KRT1: variants seen among roughly 807,000 people sequenced by gnomAD.
The protein encoded by KRT1 is keratin, type II cytoskeletal 1.
KRT1 carries 28 observed loss-of-function variants against 51.6 expected under a neutral mutation model. The ratio of observed to expected loss-of-function variants is 0.54; its 90% CI spans 0.40 to 0.74. The LOEUF (loss-of-function observed/expected upper bound fraction) is 0.74, where lower values mean the gene tolerates loss of function less well. Ranked by LOEUF, KRT1 falls within the 30% of genes least tolerant of loss-of-function variation. The probability of loss-of-function intolerance (pLI) is 0.00; values close to 1 mark genes in which losing one functional copy is unlikely to be tolerated. For missense variants in KRT1, 783 were observed against 815.5 expected, an observed-to-expected ratio of 0.96 and a Z score of 0.49; for synonymous variants, 301 against 307.7, an observed-to-expected ratio of 0.98 and a Z score of 0.23.
intron 3 of KRT1, 69 bp downstream of exon 3, chr12:52,678,094 C>T (rs1483932783): frequency 6.8e-7 from 1 of 1,476,662 alleles, no homozygotes; most frequent in East Asian, 2.3e-5. Context: ...CTGCTTTCTG[C>T]TTAGTAATTG....
At chr12:52,676,573 A>C (rs1941507188) in intron 6 of KRT1, 78 bp from the exon 7 acceptor site, 2 of 1,419,798 alleles carry the variant, frequency 1.4e-6, no homozygotes, top group Non-Finnish European at 2.0e-6. Context: ...TCCCCACTCC[A>C]GTGAGGCCAA....
intron 8 of KRT1, 37 bp downstream of exon 8, chr12:52,675,673 G>A (rs879589333): frequency 6.2e-7 from 1 of 1,614,186 alleles, no homozygotes; most frequent in Admixed American, 1.7e-5. Context: ...GCCCAACAAA[G>A]CCTGCACATG....
Position 52,680,062 on chromosome 12 carries a change from C to T in KRT1, c.287G>A (p.Gly96Asp). The T allele has an allele frequency of 6.4e-7, 1 of 1,555,020 alleles. No homozygotes were observed. Among genetic ancestry groups the T allele is most frequent in the South Asian group, 1.2e-5 (1 of 84,902 alleles). Residue 96 changes from glycine (G) to aspartate (D), a missense_variant, in exon 1 of 9, where the codon GGT becomes GAT. Gly to Asp is a moderately conservative substitution (Grantham distance 94). Coordinates refer to ENST00000252244, the MANE Select transcript of KRT1 (RefSeq NM_006121.4). ...AAAGCCACCACCACCAAAGCCACCACCACCATAACCACCACCAAAGCCACT... is the reference window on the plus strand; with the variant it reads ...AAAGCCACCACCACCAAAGCCACCATCACCATAACCACCACCAAAGCCACT... ...RGSGFGGGYG[G>D]GGFGGGGFGG...
At chr12:52,678,439 C>A (rs1941541551) in intron 2 of KRT1, 103 bp downstream of exon 2, 6 of 1,246,118 alleles carry the variant, frequency 4.8e-6, no homozygotes. Flanking sequence ...TGCCTCTAAC[C>A]TAAGAAAAGA....
rs774036297 is a variant in KRT1, at chr12:52,680,057, CACCACCACCATA to C, written c.280_291del (p.Tyr94_Gly97del). ...CCACCAAAGCCACCACCACCAAAGC[CACCACCACCATA>C]ACCACCACCAAAGCCACTACCACGT... is the stretch of plus-strand genomic sequence containing the variant. On this transcript the variant is annotated inframe_deletion, in exon 1 of 9. Transcript: ENST00000252244. 61 of 1,555,386 alleles carry C rather than the reference CACCACCACCATA, an allele frequency of 3.9e-5. No homozygotes were observed. Among genetic ancestry groups the C allele is most frequent in the Middle Eastern group, 1.7e-4 (1 of 6,012 alleles).
intron 3 of KRT1, 99 bp downstream of exon 3, chr12:52,678,064 C>G: frequency 8.7e-7 from 1 of 1,152,538 alleles, no homozygotes; most frequent in South Asian, 1.3e-5. Flanking sequence ...AGGTCTACTA[C>G]CTGGCTCTCC....
rs762691398 is a variant in KRT1 at position 52,675,336 on chromosome 12, T to TGCC, written c.1789_1791dup (p.Gly597dup). 57 of 1,609,810 alleles carry TGCC rather than the reference T, an allele frequency of 3.5e-5. No homozygotes were observed. The highest frequency in any genetic ancestry group is 3.5e-4 in the South Asian group (32 of 90,710). ...CCGCCAGAGCCCCGGCCGCCAGAGC[T>TGCC]GCCGCCGCCGCCGCCTCCAGAGCCA... On this transcript the variant is annotated inframe_insertion, in exon 9 of 9. Coordinates refer to ENST00000252244, the MANE Select transcript of KRT1 (RefSeq NM_006121.4).
intron 6 of KRT1, 67 bp from the exon 7 acceptor site, chr12:52,676,562 C>G: frequency 6.6e-7 from 1 of 1,518,270 alleles, no homozygotes; most frequent in Non-Finnish European, 9.1e-7. Context: ...CCCAATTGGT[C>G]TCCCCACTCC....
At chr12:52,677,028 C>G in intron 6 of KRT1, 31 bp downstream of exon 6, 1 of 1,610,114 alleles carries the variant, frequency 6.2e-7, no homozygotes, top group Non-Finnish European at 8.5e-7. Context: ...CCATTCCATA[C>G]AGCTGAGTGG....
Position 52,675,005 on chromosome 12 carries a change from G to A in KRT1, c.*188C>T, listed in dbSNP as rs1237752609. ...GGGTCATAGCCAGGGGACTGAGATT[G>A]CCACTGATCTGAAAACTTCATTGGG... On this transcript the variant is annotated 3_prime_UTR_variant, in exon 9 of 9. Transcript: ENST00000252244. 3 of 816,432 alleles carry A rather than the reference G, an allele frequency of 3.7e-6. No homozygotes were observed. The highest frequency in any genetic ancestry group is 3.0e-5 in the South Asian group (2 of 67,128). 50.6% of individuals were successfully genotyped at this position (816,432 alleles called of 1,614,324 possible).
chr12:52,677,598 A>T (rs2741159), intron 4 of KRT1, 52 bp downstream of exon 4: 10 of 1,604,260 alleles, frequency 6.2e-6, no homozygotes, highest in South Asian at 1.1e-5. Flanking sequence ...TTGTGGGTTC[A>T]GGCTTAAAAA....
intron 3 of KRT1, 74 bp downstream of exon 3, chr12:52,678,089 T>G (rs1468406675): frequency 2.2e-5 from 32 of 1,443,666 alleles, no homozygotes. Flanking sequence ...CATGGCTGCT[T>G]TCTGCTTAGT....
chr12:52,678,298 G>A, intron 2 of KRT1, 75 bp from the exon 3 acceptor site: 2 of 1,458,666 alleles, frequency 1.4e-6, no homozygotes, highest in South Asian at 1.1e-5. Flanking sequence ...ACTAAAGGTG[G>A]CATTGCCTAT....
At chr12:52,675,881 C>T in intron 7 of KRT1, 137 bp from the exon 8 acceptor site, 2 of 1,000,730 alleles carry the variant, frequency 2.0e-6, no homozygotes, top group Non-Finnish European at 3.1e-6. Flanking sequence ...TAATCCAATC[C>T]CCTCTGGCCT....
chr12:52,678,144 T>TGAATTTGCTTA lies in KRT1; in HGVS notation c.867+18_867+19insTAAGCAAATTC. On this transcript the variant is annotated intron_variant, in intron 3 of 8. Coordinates refer to ENST00000252244, the MANE Select transcript of KRT1 (RefSeq NM_006121.4). ...TTATTTATTTCAAATGTGAGTTCCG[T>TGAATTTGCTTA]CCTACAGAATTTGCTTACCTTCTTG... 1 of 1,612,788 alleles carries TGAATTTGCTTA rather than the reference T, an allele frequency of 6.2e-7. No individual in the cohort carries two copies. Among genetic ancestry groups the TGAATTTGCTTA allele is most frequent in the Non-Finnish European group, 8.5e-7 (1 of 1,178,760 alleles).
In KRT1 at chr12:52,677,488, A is replaced by T. The variant is rs988989257; in HGVS notation, c.964-8T>A. On this transcript the variant is annotated splice_region_variant and splice_polypyrimidine_tract_variant and intron_variant, in intron 4 of 8. Transcript: ENST00000252244. ...CTGCATCTGAGACAACTCCTGCAAG[A>T]CATAATAGGTTAGTGACTCTTACAG... The T allele has an allele frequency of 8.1e-6, 13 of 1,614,120 alleles. No homozygotes were observed. The highest frequency in any genetic ancestry group is 1.1e-5 in the Non-Finnish European group (13 of 1,180,048).
intron 1 of KRT1, 128 bp downstream of exon 1, chr12:52,679,630 C>T (rs1055390051): frequency 3.5e-6 from 3 of 848,706 alleles, no homozygotes; most frequent in Non-Finnish European, 6.0e-6. Flanking sequence ...CCTAGGAGAC[C>T]ATTCCACAAA....
In KRT1 at chr12:52,675,634, A is replaced by G. The variant is rs199898160; in HGVS notation, c.1511-17T>C. On this transcript the variant is annotated splice_polypyrimidine_tract_variant and intron_variant, in intron 8 of 8. Transcript: ENST00000252244. ...TGCTCACAGCTGCAAGAGGAAGCTC[A>G]GTTATTTTCAACCTCAACTCCGTTT... The G allele has an allele frequency of 1.1e-4, 182 of 1,614,216 alleles. 1 individual carries two copies. The African/African-American group carries it at 2.2e-3, about 20-fold the overall frequency.
chr12:52,677,812 G>A (rs974466945), intron 3 of KRT1, 67 bp from the exon 4 acceptor site: 3 of 1,379,064 alleles, frequency 2.2e-6, no homozygotes, highest in Non-Finnish European at 3.1e-6. Context: ...TTACCTGTGA[G>A]GGGATTCTCC....
Sources: allele counts gnomAD v4.1 joint callset, GRCh38; gene constraint gnomAD v4.1.1; transcripts MANE v1.5; gene names NCBI Gene and HGNC (gene_info 2026-07-23, HGNC 2026-07-21).